Variants in TULP4 observed in about 807,000 individuals in gnomAD.
TULP4 encodes tubby-related protein 4.
TULP4 carries 16 observed loss-of-function variants against 129.0 expected under a neutral mutation model. The ratio of observed to expected loss-of-function variants is 0.12; its 90% CI spans 0.08 to 0.19. The LOEUF (loss-of-function observed/expected upper bound fraction) is 0.19. Among genes scored for constraint, TULP4 ranks in the 10% least tolerant of loss-of-function variants. TULP4 has a pLI of 1.00. For missense variants in TULP4, 1,842 were observed against 2,059.1 expected, an observed-to-expected ratio of 0.89 and a Z score of 2.04; for synonymous variants, 998 against 854.0, an observed-to-expected ratio of 1.17 and a Z score of -2.94.
Position 158,455,055 on chromosome 6 carries a change from ATTTTTTTTTTTTT to A in TULP4, c.859+2805_859+2817del, listed in dbSNP as rs781328845. Among the ~76,000 whole-genome samples the A allele has an allele frequency of 1.3e-3, 43 of 33,196 alleles. 8 individuals carry two copies. Among genetic ancestry groups the A allele is most frequent in the African/African-American group, 4.8e-3 (21 of 4,420 alleles). 21.8% of individuals were successfully genotyped at this position (33,196 alleles called of 152,430 possible). A position where few individuals can be genotyped will look rare whatever the true frequency, so the allele number is the denominator to read the frequency against. ...TTCTAAAAATACAGGCAAATTTAAC[ATTTTTTTTTTTTT>A]TTTTTTTTTTTTTTTTTGAGACGGA... On this transcript the variant is annotated intron_variant, in intron 5 of 13. Coordinates refer to ENST00000367097, the MANE Select transcript of TULP4 (RefSeq NM_020245.5).
At chr6:158,500,788 A>G (rs984886636) in intron 12 of TULP4, among the ~76,000 whole-genome samples, 1 of 152,262 alleles carries the variant, frequency 6.6e-6, no homozygotes, top group Non-Finnish European at 1.5e-5. Context: ...GATAAAGGCC[A>G]GGCAGGGTGG....
intron 2 of TULP4, among the ~76,000 whole-genome samples, chr6:158,422,536 A>T (rs1450454997): frequency 6.6e-6 from 1 of 152,232 alleles, no homozygotes; most frequent in East Asian, 1.9e-4. Flanking sequence ...GCCAGTTTAG[A>T]CAAAACACGG....
At chr6:158,464,216 T>G (rs1220579567) in intron 6 of TULP4, among the ~76,000 whole-genome samples, 1 of 151,222 alleles carries the variant, frequency 6.6e-6, no homozygotes, top group Non-Finnish European at 1.5e-5. Flanking sequence ...CACAGCTTGG[T>G]TTTGTACATT....
intron 8 of TULP4, chr6:158,481,671 C>T (rs1325200889): frequency 4.5e-6 from 1 of 223,776 alleles, no homozygotes; most frequent in Non-Finnish European, 9.1e-6. Flanking sequence ...CCTACCCTCC[C>T]AGAGTGGATG....
At chr6:158,391,614 A>G (rs1777586824) in intron 1 of TULP4, among the ~76,000 whole-genome samples, 1 of 152,236 alleles carries the variant, frequency 6.6e-6, no homozygotes, top group Non-Finnish European at 1.5e-5. Context: ...ATGACGTTTC[A>G]TACCTAGTGT....
intron 1 of TULP4, among the ~76,000 whole-genome samples, chr6:158,297,911 G>A (rs190001145): frequency 1.4e-4 from 21 of 152,280 alleles, no homozygotes; most frequent in Admixed American, 7.2e-4. Context: ...GGTACTGTAG[G>A]AGACCAGGGC....
At position 158,300,747 on chromosome 6, in the gene TULP4, A is replaced by G. The variant is rs576641882; in HGVS notation, n.117-11304A>G. ...CATGTGAAATTCTGCCAAAGGAGCT[A>G]ACATGAGTCACATCCATTTGCCATA... On this transcript the variant is annotated intron_variant and non_coding_transcript_variant, in intron 1 of 1. Coordinates refer to the TULP4 transcript ENST00000432358. Among the ~76,000 whole-genome samples, 138 of 152,242 alleles carry G rather than the reference A, an allele frequency of 9.1e-4. 1 individual carries two copies. The highest frequency in any genetic ancestry group is 1.5e-3 in the Non-Finnish European group (104 of 68,044).
intron 1 of TULP4, among the ~76,000 whole-genome samples, chr6:158,234,839 C>A (rs1158421606): frequency 1.3e-5 from 2 of 152,188 alleles, no homozygotes; most frequent in East Asian, 3.8e-4. Flanking sequence ...ACTAAACATA[C>A]TAATTTTTTG....
rs748820585 is a variant in TULP4 at position 158,503,330 on chromosome 6, C to G, written c.3667C>G (p.Pro1223Ala). 13 of 1,613,764 alleles carry G rather than the reference C, an allele frequency of 8.1e-6. No homozygotes were observed. The East Asian group carries it at 2.7e-4, about 33-fold the overall frequency. Reference sequence around the variant, plus strand: ...CCCAACGCAGTTTGCACAACAGGAGCCTGCTGTGGTCCTTCAGCCGCTGTA... The same window carrying G: ...CCCAACGCAGTTTGCACAACAGGAGGCTGCTGTGGTCCTTCAGCCGCTGTA... ...LSPTQFAQQE[P>A]AVVLQPLYPP... is the part of the protein sequence containing the mutation. The change falls in exon 13 of 14, where the codon CCT (proline) becomes GCT (alanine). Residue 1223 changes from proline (P) to alanine (A), a missense_variant. Pro to Ala is a conservative substitution (Grantham distance 27, BLOSUM62 -1). This residue lies in a region of TULP4 where 1,089 missense variants were observed against 987.1 expected (regional missense o/e 1.10). Transcript: ENST00000367097. This position sits in a 1 kb window ranked among gnomAD's most constrained non-coding sequence, Gnocchi z 4.3.
rs936674133 is a variant in TULP4 at position 158,474,517 on chromosome 6, C to T, written c.1027-5234C>T. Among the ~76,000 whole-genome samples, 3 of 152,332 alleles carry T rather than the reference C, an allele frequency of 2.0e-5. No homozygotes were observed. The South Asian group carries it at 6.2e-4, about 32-fold the overall frequency. On this transcript the variant is annotated intron_variant, in intron 6 of 13. Coordinates refer to ENST00000367097, the MANE Select transcript of TULP4 (RefSeq NM_020245.5). Reference sequence around the variant, plus strand: ...TTCCAATTAAATAGATTTCTCCTCTCAGCCAGGCCTCTGCTCAAACCACCT... The same window carrying T: ...TTCCAATTAAATAGATTTCTCCTCTTAGCCAGGCCTCTGCTCAAACCACCT...
Position 158,502,032 on chromosome 6 carries a change from A to G in TULP4, c.2369A>G (p.His790Arg). ...QGPMQLSTVG[H>R]GDRDHEHLQK... Reference sequence around the variant, plus strand: ...CCCATGCAGCTGTCCACGGTGGGCCATGGAGACCGAGACCACGAACACCTG... The same window carrying G: ...CCCATGCAGCTGTCCACGGTGGGCCGTGGAGACCGAGACCACGAACACCTG... Residue 790 changes from histidine (H) to arginine (R), a missense_variant, in exon 13 of 14, where the codon CAT becomes CGT. By Grantham distance (29) the His-to-Arg change is conservative (BLOSUM62 0). Transcript: ENST00000367097. The G allele has an allele frequency of 6.2e-7, 1 of 1,611,890 alleles. No individual in the cohort carries two copies. Among genetic ancestry groups the G allele is most frequent in the African/African-American group, 1.3e-5 (1 of 74,228 alleles).
intron 1 of TULP4, among the ~76,000 whole-genome samples, chr6:158,240,769 G>A (rs1172999089): frequency 2.9e-5 from 4 of 136,212 alleles, no homozygotes; most frequent in African/African-American, 7.7e-5. Flanking sequence ...CCTCCCTCCC[G>A]GTCGGCACGG....
chr6:158,288,926 T>TTC (rs1778879555), intron 1 of TULP4, among the ~76,000 whole-genome samples: 1 of 152,258 alleles, frequency 6.6e-6, no homozygotes, highest in Admixed American at 6.5e-5. Context: ...CAAACAGATT[T>TTC]TCTAATAACC....
rs549230032 is a variant in TULP4, at chr6:158,444,671, TCTC to T, written c.544-4319_544-4317del. On this transcript the variant is annotated intron_variant, in intron 3 of 13. Coordinates refer to ENST00000367097, the MANE Select transcript of TULP4 (RefSeq NM_020245.5). ...TTTTGAATGATTTTATATCCTGTCT[TCTC>T]CTCCTTTGGTTGTGGCTTGGTTTAT... Among the ~76,000 whole-genome samples, 46 of 152,370 alleles carry T rather than the reference TCTC, an allele frequency of 3.0e-4. 2 individuals carry two copies. In the South Asian group the frequency reaches 7.3e-3, roughly 24 times the overall value.
Position 158,452,141 on chromosome 6 carries a change from G to A in TULP4, c.732G>A (p.Pro244=), listed in dbSNP as rs373994727. Reference sequence around the variant, plus strand: ...GCACTTGTGTTCCTGCAGATGGTCCGGCAGCATATCCCATCCCAGTGCAGA... The same window carrying A: ...GCACTTGTGTTCCTGCAGATGGTCCAGCAGCATATCCCATCCCAGTGCAGA... ...SDDYAPPQDG[P]AAYPIPVQNI... is the part of the protein sequence containing the mutation. The change falls in exon 5 of 14, where the codon CCG becomes CCA. Residue 244 remains proline (P), a synonymous_variant. Transcript: ENST00000367097. 5.8e-5 allele frequency: 93 copies of A among 1,613,890 alleles called. No individual in the cohort carries two copies. The highest frequency in any genetic ancestry group is 4.4e-4 in the African/African-American group (33 of 74,994).
chr6:158,328,105 TGTGTGTGTGTGTGTGTGTGTGTGC>T (rs1290526131), intron 1 of TULP4, among the ~76,000 whole-genome samples: 3 of 87,636 alleles, frequency 3.4e-5, no homozygotes, highest in African/African-American at 3.9e-5. Flanking sequence ...TGTGTGTGTG[TGTGTGTGTGTGTGTGTGTGTGTGC>T]GTGCGTGCTG....
At position 158,493,833 on chromosome 6, in the gene TULP4, C is replaced by T; in HGVS notation, c.1776+116C>T. ...TGCCACCATGGGTCCCTGAGCTCTGCTCCACATCCTGCACACCACCTACTA... is the reference window on the plus strand; with the variant it reads ...TGCCACCATGGGTCCCTGAGCTCTGTTCCACATCCTGCACACCACCTACTA... On this transcript the variant is annotated intron_variant, in intron 10 of 13. Coordinates refer to ENST00000367097, the MANE Select transcript of TULP4 (RefSeq NM_020245.5). This position sits in a 1 kb window ranked among gnomAD's most constrained non-coding sequence, Gnocchi z 4.4. The T allele has an allele frequency of 8.4e-7, 1 of 1,196,408 alleles. No individual in the cohort carries two copies. The highest frequency in any genetic ancestry group is 1.1e-6 in the Non-Finnish European group (1 of 890,140). 74.1% of individuals were successfully genotyped at this position (1,196,408 alleles called of 1,614,324 possible). A position where few individuals can be genotyped will look rare whatever the true frequency, so the allele number is the denominator to read the frequency against.
At chr6:158,453,818 TG>T (rs1779222927) in intron 5 of TULP4, among the ~76,000 whole-genome samples, 1 of 145,022 alleles carries the variant, frequency 6.9e-6, no homozygotes, top group Admixed American at 6.9e-5. Flanking sequence ...CCAGGTGTGG[TG>T]GCGTGTGCCT....
At chr6:158,358,347 T>C (rs560679966) in intron 1 of TULP4, among the ~76,000 whole-genome samples, 13 of 152,366 alleles carry the variant, frequency 8.5e-5, no homozygotes, top group African/African-American at 3.1e-4. Context: ...CTCAGAATAC[T>C]CTATTCTCAC....
Sources: gnomAD v4.1 joint callset for allele counts (sites outside exome capture counted in the v4.1 genomes callset) on GRCh38, gnomAD v4.1.1 for gene constraint, gnomAD v4.1.1 regional missense constraint, Gnocchi (gnomAD v3.1) non-coding constraint, MANE v1.5 for transcripts, NCBI Gene and HGNC (gene_info 2026-07-23, HGNC 2026-07-21) for gene names.